The following EP400 variants were observed in gnomAD, a reference collection of about 807,000 sequenced individuals.
EP400 encodes E1A binding protein p400.
In EP400, 105 loss-of-function variants were observed where a neutral mutation model predicts 354.1. The ratio of observed to expected loss-of-function variants is 0.30; its 90% CI spans 0.25 to 0.35. EP400 has a LOEUF of 0.35. Among genes scored for constraint, EP400 ranks in the 10% least tolerant of loss-of-function variants. The probability of loss-of-function intolerance (pLI) is 1.00; values close to 1 mark genes in which losing one functional copy is unlikely to be tolerated. For missense variants in EP400, 3,280 were observed against 4,121.0 expected, an observed-to-expected ratio of 0.80 and a Z score of 5.59; for synonymous variants, 1,646 against 1,716.9, an observed-to-expected ratio of 0.96 and a Z score of 1.02.
At chr12:131,975,062 C>G (rs568371546) in intron 2 of EP400, among the ~76,000 whole-genome samples, 8 of 145,336 alleles carry the variant, frequency 5.5e-5, no homozygotes, top group Admixed American at 1.4e-4. Flanking sequence ...TAAGGTAAAA[C>G]TAAAAATAAT....
At chr12:132,072,181 G>A (rs556882773) in intron 51 of EP400, among the ~76,000 whole-genome samples, 43 of 152,298 alleles carry the variant, frequency 2.8e-4, no homozygotes, top group African/African-American at 9.6e-4. Flanking sequence ...GGGTGGCCTC[G>A]AACTCCTGAA....
At chr12:131,993,117 G>GC (rs1421258478) in intron 11 of EP400, among the ~76,000 whole-genome samples, 8 of 152,228 alleles carry the variant, frequency 5.3e-5, no homozygotes, top group Non-Finnish European at 8.8e-5. Context: ...GCATTTTCAG[G>GC]CCCCTCCCAA....
At chr12:132,023,689 A>AT (rs1171593882) in intron 23 of EP400, 88 bp from the exon 24 acceptor site, 1 of 1,311,204 alleles carries the variant, frequency 7.6e-7, no homozygotes, top group African/African-American at 1.5e-5. Flanking sequence ...ATAGATGGTC[A>AT]TTATATACAA....
intron 15 of EP400, among the ~76,000 whole-genome samples, chr12:132,010,040 A>G (rs1253057588): frequency 1.3e-5 from 2 of 151,042 alleles, no homozygotes. Context: ...GGGTGTTAAA[A>G]TATCATCTGG....
At position 132,075,026 on chromosome 12, in the gene EP400, C is replaced by T. The variant is rs188533812; in HGVS notation, c.9022-1490C>T. Among the ~76,000 whole-genome samples, 4 of 152,314 alleles carry T rather than the reference C, an allele frequency of 2.6e-5. No individual in the cohort carries two copies. Among genetic ancestry groups the T allele is most frequent in the Admixed American group, 2.0e-4 (3 of 15,296 alleles). Reference sequence around the variant, plus strand: ...GTGTGTGGCTCAGGCTTTCACTCAGCTCTCAGGTGTTACCCACCTGGCCTC... The same window carrying T: ...GTGTGTGGCTCAGGCTTTCACTCAGTTCTCAGGTGTTACCCACCTGGCCTC... On this transcript the variant is annotated intron_variant, in intron 51 of 52. Transcript: ENST00000389561. This position sits in a 1 kb window ranked among gnomAD's most constrained non-coding sequence, Gnocchi z 4.5.
At chr12:131,981,201 G>T (rs1892669472) in intron 3 of EP400, among the ~76,000 whole-genome samples, 1 of 152,182 alleles carries the variant, frequency 6.6e-6, no homozygotes, top group Non-Finnish European at 1.5e-5. Context: ...ATGTGTGCCT[G>T]TGCTTTCTGA....
Position 132,013,512 on chromosome 12 carries a change from G to A in EP400, c.3634G>A (p.Asp1212Asn), listed in dbSNP as rs145245965. 6.6e-5 allele frequency: 104 copies of A among 1,578,604 alleles called. No individual in the cohort carries two copies. In the South Asian group the frequency reaches 8.0e-4, roughly 12 times the overall value. ...LQSQQRLLLI[D>N]SPLHNTFLEL... ...CAGCCAACAACGTCTGCTTCTGATCGACTCGCCGCTGCACAATACCTTCCT... is the reference window on the plus strand; with the variant it reads ...CAGCCAACAACGTCTGCTTCTGATCAACTCGCCGCTGCACAATACCTTCCT... The change falls in exon 18 of 53, where the codon GAC (aspartate) becomes AAC (asparagine). Residue 1212 changes from aspartate (D) to asparagine (N), a missense_variant. Transcript: ENST00000389561. The surrounding 1 kb of genome is among the most constrained non-coding windows in gnomAD (Gnocchi z 4.5).
chr12:132,003,009 A>G (rs891941595), intron 12 of EP400, among the ~76,000 whole-genome samples: 4 of 152,190 alleles, frequency 2.6e-5, no homozygotes, highest in Non-Finnish European at 5.9e-5. Flanking sequence ...TCAACTACAG[A>G]TAGAAAATAT....
intron 51 of EP400, among the ~76,000 whole-genome samples, chr12:132,073,495 C>CT (rs2136623396): frequency 8.4e-6 from 1 of 118,602 alleles, no homozygotes; most frequent in African/African-American, 4.6e-5. Context: ...GCTCCATCGC[C>CT]TAGGCTGGAG....
rs756329668 is a variant in EP400 at position 132,027,527 on chromosome 12, C to T, written c.5105C>T (p.Thr1702Ile). Reference protein sequence around the residue: ...SKPASPIGGPTQEEKTRLLKE... With the variant: ...SKPASPIGGPIQEEKTRLLKE... ...CCAGCTTCTCCCATTGGAGGGCCGA[C>T]CCAGGTAAGCACCTGAGCTTGAGAC... is the stretch of plus-strand genomic sequence containing the variant. Residue 1702 changes from threonine to isoleucine, a missense_variant, in exon 26 of 53, where the codon ACC becomes ATC. Physicochemically the swap from Thr to Ile is moderately conservative, Grantham distance 89 (BLOSUM62 -1). Coordinates refer to ENST00000389561, the MANE Select transcript of EP400 (RefSeq NM_015409.5). This position sits in a 1 kb window ranked among gnomAD's most constrained non-coding sequence, Gnocchi z 4.9. The T allele has an allele frequency of 6.2e-7, 1 of 1,610,942 alleles. No homozygotes were observed. Among genetic ancestry groups the T allele is most frequent in the Non-Finnish European group, 8.5e-7 (1 of 1,178,352 alleles).
intron 2 of EP400, among the ~76,000 whole-genome samples, chr12:131,977,772 C>T (rs1048441974): frequency 3.9e-5 from 6 of 152,140 alleles, no homozygotes; most frequent in African/African-American, 1.4e-4. Context: ...CTTCCTGCTA[C>T]ATATGCTGTA....
At chr12:132,002,147 A>G (rs563982902) in intron 12 of EP400, among the ~76,000 whole-genome samples, 1 of 152,304 alleles carries the variant, frequency 6.6e-6, no homozygotes, top group East Asian at 1.9e-4. Context: ...AACAGCATAT[A>G]GTTGGTCTTC....
In EP400 at chr12:132,029,719, T is replaced by G; in HGVS notation, c.5400T>G (p.Pro1800=). 1 of 1,612,922 alleles carries G rather than the reference T, an allele frequency of 6.2e-7. No individual in the cohort carries two copies. Among genetic ancestry groups the G allele is most frequent in the South Asian group, 1.1e-5 (1 of 91,038 alleles). Residue 1800 remains proline, a synonymous_variant, in exon 28 of 53, where the codon CCT becomes CCG. Coordinates refer to ENST00000389561, the MANE Select transcript of EP400 (RefSeq NM_015409.5). This position sits in a 1 kb window ranked among gnomAD's most constrained non-coding sequence, Gnocchi z 4.7. ...DVIDRVAFVI[P]PVVAAPPSLR... is the part of the protein sequence containing the mutation. The stretch of plus-strand genomic sequence containing the variant: ...TCCTCAGGGTGGCCTTTGTGATTCC[T>G]CCGGTGGTGGCAGCACCCCCGTCCC...
intron 11 of EP400, among the ~76,000 whole-genome samples, chr12:131,993,246 A>G (rs547887503): frequency 6.6e-6 from 1 of 152,198 alleles, no homozygotes; most frequent in South Asian, 2.1e-4. Context: ...GCTGGTCTCA[A>G]ACTCCTGACC....
Position 132,020,058 on chromosome 12 carries a change from G to T in EP400, c.4287G>T (p.Gln1429His). The change falls in exon 22 of 53, where the codon CAG becomes CAT. Residue 1429 changes from glutamine to histidine, a missense_variant. This residue lies in a region of EP400 where 342 missense variants were observed against 342.7 expected (regional missense o/e 1.00). Transcript: ENST00000389561. ...ACCAATGGGCATCTAGGTTGTTTCAGCCTGTGCAGTATGGCCAGAAGCCCG... is the reference window on the plus strand; with the variant it reads ...ACCAATGGGCATCTAGGTTGTTTCATCCTGTGCAGTATGGCCAGAAGCCCG... The part of the protein sequence containing the change: ...AAKLKASRLF[Q>H]PVQYGQKPEG... The T allele has an allele frequency of 6.4e-7, 1 of 1,563,822 alleles. No individual in the cohort carries two copies. Among genetic ancestry groups the T allele is most frequent in the Non-Finnish European group, 8.7e-7 (1 of 1,153,400 alleles).
chr12:132,025,859 T>C lies in EP400; in HGVS notation c.5014+55T>C. On this transcript the variant is annotated intron_variant, in intron 25 of 52. Coordinates refer to ENST00000389561, the MANE Select transcript of EP400 (RefSeq NM_015409.5). The surrounding 1 kb of genome is among the most constrained non-coding windows in gnomAD (Gnocchi z 4.1). ...GGCTTGGATGCTTCTTTCTCTTCCATCTAAGGCGAGTGGAAAGCATTCATG... is the reference window on the plus strand; with the variant it reads ...GGCTTGGATGCTTCTTTCTCTTCCACCTAAGGCGAGTGGAAAGCATTCATG... The C allele has an allele frequency of 6.7e-7, 1 of 1,503,636 alleles. No individual in the cohort carries two copies. Among genetic ancestry groups the C allele is most frequent in the Non-Finnish European group, 8.8e-7 (1 of 1,130,288 alleles). The allele number at this position is 1,503,636 out of a possible 1,614,324, so 93.1% of individuals were successfully genotyped here. A position where few individuals can be genotyped will look rare whatever the true frequency, so the allele number is the denominator to read the frequency against.
intron 15 of EP400, among the ~76,000 whole-genome samples, chr12:132,007,768 A>G (rs1841640793): frequency 6.6e-6 from 1 of 152,176 alleles, no homozygotes; most frequent in African/African-American, 2.4e-5. Context: ...TTGAGCTTTG[A>G]ACGTAAAGCT....
rs1489930686 is a variant in EP400, at chr12:132,077,488, G to T, written c.9187G>T (p.Val3063Leu). Reference sequence around the variant, plus strand: ...CCCTGCAGTGACCGCGACTGCCCAGGTGGTTCAGCAGAAACTCATTCAGCA... The same window carrying T: ...CCCTGCAGTGACCGCGACTGCCCAGTTGGTTCAGCAGAAACTCATTCAGCA... ...MIPAVTATAQ[V>L]VQQKLIQQQV... The change falls in exon 53 of 53, where the codon GTG becomes TTG. Residue 3063 changes from valine (V) to leucine (L), a missense_variant. Coordinates refer to ENST00000389561, the MANE Select transcript of EP400 (RefSeq NM_015409.5). 1 of 1,613,546 alleles carries T rather than the reference G, an allele frequency of 6.2e-7. No homozygotes were observed. The highest frequency in any genetic ancestry group is 8.5e-7 in the Non-Finnish European group (1 of 1,180,030).
Position 132,080,206 on chromosome 12 carries a change from A to AAGC in EP400, c.*2536_*2538dup, listed in dbSNP as rs1451488346. The AAGC allele has an allele frequency of 6.6e-6, 1 of 152,484 alleles. No individual in the cohort carries two copies. The highest frequency in any genetic ancestry group is 6.5e-5 in the Admixed American group (1 of 15,286). The allele number at this position is 152,484 out of a possible 1,614,324, so 9.4% of individuals were successfully genotyped here. ...GACTGTTTTTAAAGCACCTGGCGGG[A>AAGC]AGCAGAAGGTTGGATCCAAGCCCTT... On this transcript the variant is annotated 3_prime_UTR_variant, in exon 53 of 53. Transcript: ENST00000389561.
Sources: allele counts gnomAD v4.1 joint callset (sites outside exome capture counted in the v4.1 genomes callset), GRCh38; gene constraint gnomAD v4.1.1; regional missense constraint gnomAD v4.1.1; non-coding constraint Gnocchi (gnomAD v3.1); transcripts MANE v1.5; gene names NCBI Gene and HGNC (gene_info 2026-07-23, HGNC 2026-07-21).